Variants in CLASP1 observed in about 807,000 individuals in gnomAD.
CLASP1 encodes the protein cytoplasmic linker associated protein 1, also known as CLIP-associating protein 1.
CLASP1 carries 38 observed loss-of-function variants against 192.3 expected under a neutral mutation model. The observed-to-expected ratio is 0.20, with a 90% confidence interval of 0.15 to 0.26. The LOEUF is 0.26. Ranked by LOEUF, CLASP1 falls within the 10% of genes least tolerant of loss-of-function variation. The probability of loss-of-function intolerance (pLI) is 1.00; values close to 1 mark genes in which losing one functional copy is unlikely to be tolerated. For synonymous variants in CLASP1, 691 were observed against 712.8 expected, an observed-to-expected ratio of 0.97 and a Z score of 0.49; for missense variants, 1,433 against 1,932.5, an observed-to-expected ratio of 0.74 and a Z score of 4.85.
intron 24 of CLASP1, 180 bp from the exon 26 acceptor site, chr2:121,407,895 G>T: frequency 1.2e-6 from 1 of 809,450 alleles, no homozygotes; most frequent in Non-Finnish European, 2.2e-6. Flanking sequence ...TTTTCCATTA[G>T]GTAAATAAGC....
chr2:121,641,056 G>C (rs2071959396), intron 1 of CLASP1, among the ~76,000 whole-genome samples: 2 of 152,182 alleles, frequency 1.3e-5, no homozygotes, highest in South Asian at 4.1e-4. Context: ...AAAAACATCA[G>C]AGAAGGAGCT....
intron 25 of CLASP1, among the ~76,000 whole-genome samples, chr2:121,407,077 G>A (rs1175972860): frequency 3.3e-5 from 5 of 151,954 alleles, no homozygotes; most frequent in Non-Finnish European, 7.4e-5. Flanking sequence ...TTAGCCAGGC[G>A]TGGTGGTGTA....
At chr2:121,384,005 TATACACACAC>T (rs1311592867) in intron 32 of CLASP1, among the ~76,000 whole-genome samples, 1 of 137,948 alleles carries the variant, frequency 7.2e-6, no homozygotes, top group South Asian at 2.4e-4. Flanking sequence ...TATATATATA[TATACACACAC>T]ACACACACAC....
At chr2:121,450,774 T>TGGCCTTTTGG in intron 16 of CLASP1, 139 bp downstream of exon 16, 1 of 593,592 alleles carries the variant, frequency 1.7e-6, no homozygotes. Flanking sequence ...TATTCCAAAA[T>TGGCCTTTTGG]GGCCTTTTGG....
intron 1 of CLASP1, among the ~76,000 whole-genome samples, chr2:121,632,983 T>C (rs2070029455): frequency 6.7e-6 from 1 of 148,226 alleles, no homozygotes; most frequent in African/African-American, 2.5e-5. Context: ...TGTGTGTGTG[T>C]GTGTATATAT....
At chr2:121,456,344 A>G (rs1265810477) in intron 14 of CLASP1, among the ~76,000 whole-genome samples, 1 of 151,582 alleles carries the variant, frequency 6.6e-6, no homozygotes, top group African/African-American at 2.4e-5. Flanking sequence ...TCTAAAAAAA[A>G]AAAAAAGTAA....
chr2:121,347,160 G>C lies in CLASP1; in HGVS notation c.4414-6C>G. 7 of 1,548,742 alleles carry C rather than the reference G, an allele frequency of 4.5e-6. No homozygotes were observed. Among genetic ancestry groups the C allele is most frequent in the Non-Finnish European group, 6.1e-6 (7 of 1,139,504 alleles). On this transcript the variant is annotated splice_polypyrimidine_tract_variant and splice_region_variant and intron_variant, in intron 38 of 39. Coordinates refer to ENST00000263710, the Ensembl canonical transcript of CLASP1. ...CTTTCGGTGTTGTCATAACCCTAGA[G>C]AGCCAGAAGGGAACACGAAAAGGAA... is the stretch of plus-strand genomic sequence containing the variant.
At chr2:121,401,438 A>G (rs2076144133) in intron 28 of CLASP1, 71 bp downstream of exon 29, 2 of 1,278,894 alleles carry the variant, frequency 1.6e-6, no homozygotes, top group South Asian at 2.8e-5. Context: ...ATGGGTAACA[A>G]AAGAGAATGG....
Position 121,449,135 on chromosome 2 carries a change from C to G in CLASP1, c.1524-15G>C, listed in dbSNP as rs753514452. On this transcript the variant is annotated splice_polypyrimidine_tract_variant and intron_variant, in intron 16 of 39. Transcript: ENST00000263710. ...CCCAGTAACATCTAGAGGAAACACA[C>G]AAAATCCTGGTCTAATTCAAGGATC... 1 of 1,612,468 alleles carries G rather than the reference C, an allele frequency of 6.2e-7. No homozygotes were observed. Among genetic ancestry groups the G allele is most frequent in the East Asian group, 2.2e-5 (1 of 44,838 alleles).
chr2:121,450,450 T>C (rs2085250795), intron 16 of CLASP1, among the ~76,000 whole-genome samples: 1 of 152,186 alleles, frequency 6.6e-6, no homozygotes, highest in South Asian at 2.1e-4. Context: ...CAACAAGTTA[T>C]CACTGTGATA....
At chr2:121,541,317 A>G (rs1315519239) in intron 2 of CLASP1, among the ~76,000 whole-genome samples, 1 of 152,198 alleles carries the variant, frequency 6.6e-6, no homozygotes, top group Non-Finnish European at 1.5e-5. Flanking sequence ...TTCATATTGC[A>G]CTTCATTGTT....
intron 16 of CLASP1, 110 bp from the exon 17 acceptor site, chr2:121,449,230 G>A (rs1283236056): frequency 1.2e-6 from 1 of 851,018 alleles, no homozygotes; most frequent in Non-Finnish European, 1.8e-6. Flanking sequence ...CCTCAGTTTA[G>A]CCGCTAATAG....
chr2:121,361,924 G>A (rs991895374), intron 37 of CLASP1, among the ~76,000 whole-genome samples: 2 of 152,250 alleles, frequency 1.3e-5, no homozygotes, highest in Non-Finnish European at 2.9e-5. Flanking sequence ...ACTAGCAGGT[G>A]AAGAGAGGCC....
At chr2:121,399,083 A>G (rs2075762136) in intron 28 of CLASP1, among the ~76,000 whole-genome samples, 1 of 151,812 alleles carries the variant, frequency 6.6e-6, no homozygotes, top group South Asian at 2.1e-4. Context: ...GGAAAGATAA[A>G]TGCAAGGCAA....
intron 1 of CLASP1, among the ~76,000 whole-genome samples, chr2:121,622,637 T>C (rs1308503395): frequency 6.6e-6 from 1 of 152,226 alleles, no homozygotes; most frequent in Non-Finnish European, 1.5e-5. Flanking sequence ...TTTATTCTTT[T>C]TGACGCTACT....
At chr2:121,584,935 G>C (rs1321249189) in intron 2 of CLASP1, among the ~76,000 whole-genome samples, 1 of 152,116 alleles carries the variant, frequency 6.6e-6, no homozygotes, top group Non-Finnish European at 1.5e-5. Context: ...ACAAAAGAAG[G>C]CTATCACACT....
intron 2 of CLASP1, among the ~76,000 whole-genome samples, chr2:121,538,532 A>G (rs1429782928): frequency 2.6e-5 from 4 of 152,164 alleles, no homozygotes; most frequent in Non-Finnish European, 5.9e-5. Context: ...TCATGCCTGT[A>G]ATCCCAGCAA....
At chr2:121,347,082 C>T (rs769154861) in exon 39 of CLASP1, 5 of 1,585,964 alleles carry the variant, frequency 3.2e-6, no homozygotes, top group Admixed American at 1.8e-5. Flanking sequence ...AGGTCTTCTC[C>T]GATTACGGAA....
intron 37 of CLASP1, 96 bp downstream of exon 38, chr2:121,363,076 T>G: frequency 6.7e-7 from 1 of 1,486,540 alleles, no homozygotes; most frequent in Non-Finnish European, 9.1e-7. Context: ...GAAGGGGCTC[T>G]TAAGCTGTGC....
Sources: gnomAD v4.1 joint callset for allele counts (sites outside exome capture counted in the v4.1 genomes callset) on GRCh38, gnomAD v4.1.1 for gene constraint, MANE v1.5 for transcripts, NCBI Gene and HGNC (gene_info 2026-07-23, HGNC 2026-07-21) for gene names.